Variants in DNAJC1 observed in about 807,000 individuals in gnomAD.
DNAJC1 encodes the protein dnaJ homolog subfamily C member 1.
DNAJC1 carries 58 observed loss-of-function variants against 76.6 expected under a neutral mutation model. The ratio of observed to expected loss-of-function variants is 0.76; its 90% CI spans 0.61 to 0.94. The LOEUF (loss-of-function observed/expected upper bound fraction) is 0.94. DNAJC1 is among the 40% of genes least tolerant of loss of function. The pLI is 0.00. For synonymous variants in DNAJC1, 258 were observed against 267.9 expected, an observed-to-expected ratio of 0.96 and a Z score of 0.36; for missense variants, 689 against 677.3, an observed-to-expected ratio of 1.02 and a Z score of -0.19.
intron 8 of DNAJC1, among the ~76,000 whole-genome samples, chr10:21,862,719 G>T (rs1295318615): frequency 6.6e-6 from 1 of 152,078 alleles, no homozygotes; most frequent in Non-Finnish European, 1.5e-5. Flanking sequence ...ATGAGCCACT[G>T]TGCCCGGTCA....
At chr10:21,928,868 T>TA (rs1455628939) in intron 2 of DNAJC1, among the ~76,000 whole-genome samples, 172 bp downstream of exon 2, 44 of 152,072 alleles carry the variant, frequency 2.9e-4, no homozygotes, top group African/African-American at 1.1e-3. Context: ...GAGATGCTAA[T>TA]ACAAAATAGT....
intron 9 of DNAJC1, among the ~76,000 whole-genome samples, chr10:21,786,253 G>T (rs529425547): frequency 1.3e-5 from 2 of 151,776 alleles, no homozygotes; most frequent in South Asian, 2.1e-4. Flanking sequence ...GTTACAATAT[G>T]ATAAAGATAA....
intron 8 of DNAJC1, among the ~76,000 whole-genome samples, chr10:21,813,076 T>C (rs1834997626): frequency 8.8e-6 from 1 of 113,864 alleles, no homozygotes; most frequent in Admixed American, 9.8e-5. Flanking sequence ...TATACATATA[T>C]ATACATATAT....
intron 1 of DNAJC1, among the ~76,000 whole-genome samples, chr10:21,953,734 T>G (rs1467127689): frequency 1.3e-5 from 2 of 150,418 alleles, no homozygotes; most frequent in African/African-American, 4.9e-5. Context: ...CTTTTGTTAT[T>G]CATAATGAGT....
At chr10:21,763,565 GTTT>G (rs34169717) in intron 10 of DNAJC1, among the ~76,000 whole-genome samples, 3 of 127,370 alleles carry the variant, frequency 2.4e-5, no homozygotes, top group African/African-American at 6.0e-5. Context: ...TGTGCAGGTT[GTTT>G]TTTTTTTTTT....
At chr10:21,973,114 T>C (rs1026815960) in intron 1 of DNAJC1, among the ~76,000 whole-genome samples, 2 of 152,146 alleles carry the variant, frequency 1.3e-5, no homozygotes, top group Admixed American at 6.5e-5. Flanking sequence ...ATTACCTAAA[T>C]AACAGGGCTG....
intron 9 of DNAJC1, among the ~76,000 whole-genome samples, chr10:21,779,316 C>G (rs1349346879): frequency 6.6e-6 from 1 of 152,160 alleles, no homozygotes; most frequent in Non-Finnish European, 1.5e-5. Context: ...GTCCCTGACC[C>G]CCGAGTAGCC....
chr10:21,858,237 T>C (rs568844717), intron 8 of DNAJC1, among the ~76,000 whole-genome samples: 4 of 152,300 alleles, frequency 2.6e-5, no homozygotes, highest in East Asian at 3.9e-4. Context: ...AGGCATTTTA[T>C]AGCAATGAAT....
intron 9 of DNAJC1, among the ~76,000 whole-genome samples, chr10:21,781,718 CAAAAAAAA>C (rs1298897674): frequency 1.1e-5 from 1 of 87,334 alleles, no homozygotes. Flanking sequence ...GCGACTGTCT[CAAAAAAAA>C]AAAAAAAAAA....
intron 7 of DNAJC1, among the ~76,000 whole-genome samples, chr10:21,903,305 T>C (rs951193865): frequency 3.3e-5 from 5 of 152,234 alleles, no homozygotes; most frequent in Admixed American, 2.6e-4. Flanking sequence ...CTACCAATTT[T>C]TCCTAAAATA....
chr10:21,819,616 T>C (rs540617629), intron 8 of DNAJC1, among the ~76,000 whole-genome samples: 1 of 152,222 alleles, frequency 6.6e-6, no homozygotes, highest in South Asian at 2.1e-4. Flanking sequence ...ATTTTTAAAA[T>C]TTTTTTATTG....
At chr10:21,978,361 G>C (rs1838098752) in intron 1 of DNAJC1, among the ~76,000 whole-genome samples, 1 of 152,062 alleles carries the variant, frequency 6.6e-6, no homozygotes, top group African/African-American at 2.4e-5. Context: ...ATAAAGTATA[G>C]AATTTGAAAG....
In DNAJC1 at chr10:21,841,580, G is replaced by A. The variant is rs547999012; in HGVS notation, c.979-35481C>T. ...ACCATCTCACACCAGTTAGAATGGC[G>A]ATCATTAAAAAGTCAGGAAACAACA... is the stretch of plus-strand genomic sequence containing the variant. On this transcript the variant is annotated intron_variant, in intron 8 of 11. Transcript: ENST00000376980. 3.7e-3 allele frequency among the ~76,000 whole-genome samples: 560 copies of A among 152,212 alleles called. 5 individuals carry two copies. The highest frequency in any genetic ancestry group is 0.013 in the African/African-American group (549 of 41,554).
At chr10:21,816,324 C>A (rs565991933) in intron 8 of DNAJC1, among the ~76,000 whole-genome samples, 2 of 151,874 alleles carry the variant, frequency 1.3e-5, no homozygotes, top group South Asian at 4.2e-4. Flanking sequence ...CGTGCCACTG[C>A]GCTCCAGCCT....
At chr10:21,986,828 C>T (rs761739616) in intron 1 of DNAJC1, among the ~76,000 whole-genome samples, 43 of 151,956 alleles carry the variant, frequency 2.8e-4, no homozygotes, top group Non-Finnish European at 4.6e-4. Context: ...AGTGCAATGG[C>T]GCGATCTCAG....
chr10:21,775,331 CTTTTTT>C (rs34444920), intron 9 of DNAJC1, among the ~76,000 whole-genome samples: 2 of 49,668 alleles, frequency 4.0e-5, no homozygotes, highest in African/African-American at 7.1e-5. Context: ...CTGCAAATGG[CTTTTTT>C]TTTTTTTTTT....
intron 1 of DNAJC1, among the ~76,000 whole-genome samples, chr10:21,958,717 C>G (rs545081776): frequency 6.6e-6 from 1 of 151,982 alleles, no homozygotes; most frequent in African/African-American, 2.4e-5. Context: ...TGAGCCACCG[C>G]GCCTGGCCCA....
chr10:21,920,515 G>T, intron 4 of DNAJC1: 1 of 234,070 alleles, frequency 4.3e-6, no homozygotes, highest in Non-Finnish European at 8.1e-6. Context: ...CTATTTGGAA[G>T]GTGATAATGA....
intron 8 of DNAJC1, among the ~76,000 whole-genome samples, chr10:21,879,325 T>C (rs900155465): frequency 6.6e-6 from 1 of 152,172 alleles, no homozygotes; most frequent in Non-Finnish European, 1.5e-5. Context: ...TCCCAGTACA[T>C]ATAAAAGTTG....
Sources: allele counts gnomAD v4.1 joint callset (sites outside exome capture counted in the v4.1 genomes callset), GRCh38; gene constraint gnomAD v4.1.1; transcripts MANE v1.5; gene names NCBI Gene and HGNC (gene_info 2026-07-23, HGNC 2026-07-21).